Variants in INPP5A observed in about 807,000 individuals in gnomAD.
INPP5A encodes inositol polyphosphate-5-phosphatase A.
A neutral mutation model predicts 65.2 loss-of-function variants in INPP5A; 14 were observed. The observed-to-expected ratio is 0.21, with a 90% confidence interval of 0.14 to 0.34. The LOEUF (loss-of-function observed/expected upper bound fraction) is 0.34. Among genes scored for constraint, INPP5A ranks in the 10% least tolerant of loss-of-function variants. The pLI is 1.00. For missense variants in INPP5A, 431 were observed against 545.6 expected, an observed-to-expected ratio of 0.79 and a Z score of 2.09; for synonymous variants, 207 against 208.3, an observed-to-expected ratio of 0.99 and a Z score of 0.05.
chr10:132,760,370 T>C (rs112170327), intron 11 of INPP5A, among the ~76,000 whole-genome samples: 1 of 152,242 alleles, frequency 6.6e-6, no homozygotes, highest in South Asian at 2.1e-4. Flanking sequence ...CGAGGGGCGA[T>C]GGTCCTTCTG....
intron 1 of INPP5A, among the ~76,000 whole-genome samples, chr10:132,598,384 C>T (rs535806905): frequency 1.3e-5 from 2 of 152,346 alleles, no homozygotes; most frequent in East Asian, 1.9e-4. Context: ...GCTCTGTCCT[C>T]GTTAAACACT....
chr10:132,682,339 G>A (rs573577602), intron 4 of INPP5A, among the ~76,000 whole-genome samples: 15 of 152,330 alleles, frequency 9.8e-5, no homozygotes, highest in African/African-American at 3.4e-4. Flanking sequence ...CGTTCGTTAG[G>A]CGCGGACTGC....
At chr10:132,763,588 CAT>C (rs761593694) in intron 11 of INPP5A, among the ~76,000 whole-genome samples, 45 of 152,032 alleles carry the variant, frequency 3.0e-4, no homozygotes, top group Non-Finnish European at 8.8e-5. Context: ...CCTGTGCACA[CAT>C]AAACATGCCT....
chr10:132,577,315 G>A (rs1215917600), intron 1 of INPP5A, among the ~76,000 whole-genome samples: 4 of 152,196 alleles, frequency 2.6e-5, no homozygotes, highest in Admixed American at 2.6e-4. Context: ...CCTCCAAGCC[G>A]GCCTGCATAT....
intron 8 of INPP5A, among the ~76,000 whole-genome samples, chr10:132,725,235 C>T (rs1469989774): frequency 6.6e-6 from 1 of 152,244 alleles, no homozygotes; most frequent in Non-Finnish European, 1.5e-5. Context: ...AACTCCTACG[C>T]TCCATAGCCA....
chr10:132,587,360 G>T lies in INPP5A; in HGVS notation c.76-20555G>T, dbSNP rs1590848910. 6.6e-6 allele frequency among the ~76,000 whole-genome samples: 1 copy of T among 152,134 alleles called. No individual in the cohort carries two copies. The highest frequency in any genetic ancestry group is 2.1e-4 in the South Asian group (1 of 4,832). On this transcript the variant is annotated intron_variant, in intron 1 of 15. Coordinates refer to ENST00000368594, the MANE Select transcript of INPP5A (RefSeq NM_005539.5). This position sits in a 1 kb window ranked among gnomAD's most constrained non-coding sequence, Gnocchi z 4.3. ...GGTCCGATTGAGGAGCAGTTGGGTGGCCCAGCCTGCTTCTGCTGCTGCCAG... is the reference window on the plus strand; with the variant it reads ...GGTCCGATTGAGGAGCAGTTGGGTGTCCCAGCCTGCTTCTGCTGCTGCCAG...
At chr10:132,733,732 G>T (rs930600186) in intron 9 of INPP5A, among the ~76,000 whole-genome samples, 2 of 152,186 alleles carry the variant, frequency 1.3e-5, no homozygotes, top group Admixed American at 1.3e-4. Flanking sequence ...CTCCCTCTGC[G>T]TGTGAACGGG....
chr10:132,695,358 T>C lies in INPP5A; in HGVS notation c.371-2458T>C, dbSNP rs1453559972. Among the ~76,000 whole-genome samples the C allele has an allele frequency of 2.6e-5, 4 of 152,202 alleles. No homozygotes were observed. The South Asian group carries it at 6.2e-4, about 24-fold the overall frequency. ...ATAGAGGGGAAGTTCCTCAACCTGA[T>C]AAAGAAGAGCTCCAAAAATCCTACA... On this transcript the variant is annotated intron_variant, in intron 5 of 15. Transcript: ENST00000368594.
intron 3 of INPP5A, among the ~76,000 whole-genome samples, chr10:132,648,526 C>T: frequency 6.6e-6 from 1 of 152,224 alleles, no homozygotes; most frequent in East Asian, 1.9e-4. Flanking sequence ...TCTCTCTCTG[C>T]CTGAAGAACG....
Position 132,781,933 on chromosome 10 carries a change from G to A in INPP5A, c.1231G>A (p.Val411Met), listed in dbSNP as rs200256899. 7.4e-6 allele frequency: 12 copies of A among 1,613,754 alleles called. No homozygotes were observed. Among genetic ancestry groups the A allele is most frequent in the African/African-American group, 4.0e-5 (3 of 75,062 alleles). ...TGCCCATGTGCACAAGTGTTGTGTC[G>A]TGCAGTGACGTGGTGGTAAATATGA... ...PHAHVHKCCVVQ is the reference protein window; with the variant it reads ...PHAHVHKCCVMQ Residue 411 changes from valine (V) to methionine (M), a missense_variant, in exon 15 of 16, where the codon GTG becomes ATG. Coordinates refer to ENST00000368594, the MANE Select transcript of INPP5A (RefSeq NM_005539.5).
chr10:132,647,862 A>T (rs923757919), intron 3 of INPP5A, among the ~76,000 whole-genome samples: 1 of 152,372 alleles, frequency 6.6e-6, no homozygotes. Flanking sequence ...GTAAAAGGCA[A>T]CATTAAAAAT....
intron 3 of INPP5A, among the ~76,000 whole-genome samples, chr10:132,649,008 C>T (rs987061119): frequency 6.6e-6 from 1 of 152,134 alleles, no homozygotes; most frequent in Non-Finnish European, 1.5e-5. Flanking sequence ...GCTCCAGTTA[C>T]CTGATGTTAG....
At chr10:132,633,871 T>C (rs1409108961) in intron 2 of INPP5A, among the ~76,000 whole-genome samples, 2 of 152,348 alleles carry the variant, frequency 1.3e-5, no homozygotes, top group African/African-American at 2.4e-5. Context: ...CATATAAACA[T>C]GGAGAGAATC....
chr10:132,691,506 G>A (rs778989188), intron 5 of INPP5A, among the ~76,000 whole-genome samples: 7 of 152,260 alleles, frequency 4.6e-5, no homozygotes, highest in Non-Finnish European at 2.9e-5. Context: ...GAGCTGGTGC[G>A]TCAGGCTGCG....
chr10:132,567,228 A>G (rs1365888315), intron 1 of INPP5A, among the ~76,000 whole-genome samples: 2 of 152,236 alleles, frequency 1.3e-5, no homozygotes, highest in African/African-American at 4.8e-5. Context: ...CTCATCCCAC[A>G]TTCTGCAGAA....
chr10:132,692,386 T>A (rs189083591), intron 5 of INPP5A, among the ~76,000 whole-genome samples: 150 of 152,232 alleles, frequency 9.9e-4, no homozygotes, highest in African/African-American at 3.6e-3. Context: ...TAGTAATGGT[T>A]TAGAACTTTC....
intron 1 of INPP5A, among the ~76,000 whole-genome samples, chr10:132,542,445 C>CAGCATTGCCTTCTTTGCCATGT (rs2070918928): frequency 6.6e-6 from 1 of 152,234 alleles, no homozygotes; most frequent in African/African-American, 2.4e-5. Flanking sequence ...CTGGTAGCAT[C>CAGCATTGCCTTCTTTGCCATGT]AGCATTGCCT....
chr10:132,624,862 C>T (rs1479915048), intron 2 of INPP5A, among the ~76,000 whole-genome samples: 6 of 151,884 alleles, frequency 4.0e-5, no homozygotes, highest in South Asian at 2.1e-4. Flanking sequence ...GCTGACACAG[C>T]TCCATGCCGC....
chr10:132,755,673 T>C (rs1370523088), intron 11 of INPP5A, among the ~76,000 whole-genome samples: 1 of 151,798 alleles, frequency 6.6e-6, no homozygotes, highest in African/African-American at 2.4e-5. Flanking sequence ...GGTGTGTGCA[T>C]GTGAGTGGGT....
Sources: gnomAD v4.1 joint callset for allele counts (sites outside exome capture counted in the v4.1 genomes callset) on GRCh38, gnomAD v4.1.1 for gene constraint, Gnocchi (gnomAD v3.1) non-coding constraint, MANE v1.5 for transcripts, NCBI Gene and HGNC (gene_info 2026-07-23, HGNC 2026-07-21) for gene names.